The following NLGN1 variants were observed in gnomAD, a reference collection of about 807,000 sequenced individuals.
NLGN1 encodes the protein neuroligin-1.
A neutral mutation model predicts 65.5 loss-of-function variants in NLGN1; 12 were observed. The observed-to-expected ratio is 0.18, with a 90% CI of 0.12 to 0.30. The LOEUF (loss-of-function observed/expected upper bound fraction) is 0.30. Ranked by LOEUF, NLGN1 falls within the 10% of genes least tolerant of loss-of-function variation. The pLI is 1.00. For missense variants in NLGN1, 750 were observed against 1,007.1 expected, an observed-to-expected ratio of 0.74 and a Z score of 3.46; for synonymous variants, 350 against 359.5, an observed-to-expected ratio of 0.97 and a Z score of 0.30.
At chr3:173,727,817 A>G (rs1267557103) in intron 3 of NLGN1, among the ~76,000 whole-genome samples, 4 of 152,136 alleles carry the variant, frequency 2.6e-5, no homozygotes, top group Non-Finnish European at 2.9e-5. Flanking sequence ...TGATGCTGCT[A>G]AGAAGGAATT....
chr3:174,208,664 GAA>G (rs35797766), intron 4 of NLGN1, among the ~76,000 whole-genome samples: 34,014 of 144,054 alleles, frequency 0.24, 4,516 homozygotes, highest in African/African-American at 0.37. Context: ...CCATTATAGG[GAA>G]AAAAAAAAAA....
intron 4 of NLGN1, among the ~76,000 whole-genome samples, chr3:174,024,154 A>AAAC (rs1323552348): frequency 6.6e-6 from 1 of 151,528 alleles, no homozygotes; most frequent in Non-Finnish European, 1.5e-5. Context: ...AAAAAAAAAA[A>AAAC]AAAAAAAAAA....
chr3:173,408,076 T>C (rs1225004699), intron 1 of NLGN1, among the ~76,000 whole-genome samples: 1 of 151,846 alleles, frequency 6.6e-6, no homozygotes, highest in Non-Finnish European at 1.5e-5. Context: ...ATCATTTTTG[T>C]TTTTTTTGAG....
In NLGN1 at chr3:174,238,298, A is replaced by G. The variant is rs962456068; in HGVS notation, c.647-37017A>G. Among the ~76,000 whole-genome samples, 6 of 149,284 alleles carry G rather than the reference A, an allele frequency of 4.0e-5. No homozygotes were observed. The East Asian group carries it at 1.2e-3, about 30-fold the overall frequency. ...TTAAGGTTAAATAGACATTTCTTCA[A>G]TCTCTACTTTCTGTTTTTTCTTTTT... On this transcript the variant is annotated intron_variant, in intron 4 of 6. Coordinates refer to ENST00000457714, the Ensembl canonical transcript of NLGN1.
intron 3 of NLGN1, among the ~76,000 whole-genome samples, chr3:173,616,110 T>C (rs1753030251): frequency 1.1e-4 from 1 of 9,380 alleles, no homozygotes; most frequent in African/African-American, 5.5e-4. Context: ...GGTTTGAGAT[T>C]TTGAAATAGA....
intron 3 of NLGN1, among the ~76,000 whole-genome samples, chr3:173,720,561 G>A (rs536081007): frequency 6.6e-6 from 1 of 152,258 alleles, no homozygotes; most frequent in East Asian, 1.9e-4. Context: ...TTCTGTTTCA[G>A]CTCTAGAAAC....
intron 3 of NLGN1, among the ~76,000 whole-genome samples, chr3:173,682,851 A>G (rs1764141382): frequency 6.6e-6 from 1 of 152,152 alleles, no homozygotes; most frequent in Non-Finnish European, 1.5e-5. Flanking sequence ...ATACTAGCAA[A>G]TCATGGATGT....
chr3:173,996,837 G>A (rs1192800247), intron 4 of NLGN1, among the ~76,000 whole-genome samples: 7 of 152,146 alleles, frequency 4.6e-5, no homozygotes, highest in Admixed American at 4.6e-4. Flanking sequence ...TTTATTTTCT[G>A]GCAGGGGAGG....
chr3:174,080,540 G>T (rs1741943725), intron 4 of NLGN1, among the ~76,000 whole-genome samples: 1 of 152,156 alleles, frequency 6.6e-6, no homozygotes, highest in South Asian at 2.1e-4. Context: ...CCCTTGGGAT[G>T]GGCTGGCACA....
In NLGN1 at chr3:173,581,801, T is replaced by A. The variant is rs116027524; in HGVS notation, c.-320-22478T>A. On this transcript the variant is annotated intron_variant, in intron 2 of 6. Transcript: ENST00000457714. ...GTAAAGATTCACAGGAATAATGTAG[T>A]CTAAATCTTTAATTTTAATAAAATA... 1.4e-3 allele frequency among the ~76,000 whole-genome samples: 216 copies of A among 152,102 alleles called. 1 individual carries two copies. The highest frequency in any genetic ancestry group is 5.1e-3 in the African/African-American group (213 of 41,546).
intron 5 of NLGN1, among the ~76,000 whole-genome samples, chr3:174,278,391 C>T (rs1362285542): frequency 1.3e-5 from 2 of 151,872 alleles, no homozygotes; most frequent in African/African-American, 4.8e-5. Context: ...TTTCAAATAA[C>T]ATCTGTTTAA....
intron 4 of NLGN1, among the ~76,000 whole-genome samples, chr3:173,906,810 A>G (rs902495779): frequency 1.3e-5 from 2 of 149,964 alleles, no homozygotes; most frequent in Non-Finnish European, 3.0e-5. Context: ...GATCGTGCCT[A>G]TGATTAGCTA....
chr3:174,059,777 A>C (rs1018876349), intron 4 of NLGN1, among the ~76,000 whole-genome samples: 2 of 152,170 alleles, frequency 1.3e-5, no homozygotes, highest in African/African-American at 4.8e-5. Context: ...AATTGACAGG[A>C]AGGAACCTAG....
At position 174,280,626 on chromosome 3, in the gene NLGN1, A is replaced by G. The variant is rs1561468056; in HGVS notation, c.1795A>G (p.Arg599Gly). ...AAAACCAAGAGTTAAAGAACATTAC[A>G]GAGCCAATAAGGTGAACCTCTGGTT... The change falls in exon 7 of 7, where the codon AGA becomes GGA. Residue 599 changes from arginine to glycine, a missense_variant. Transcript: ENST00000457714. This position sits in a 1 kb window ranked among gnomAD's most constrained non-coding sequence, Gnocchi z 4.9. The G allele has an allele frequency of 6.2e-7, 1 of 1,613,218 alleles. No individual in the cohort carries two copies. Among genetic ancestry groups the G allele is most frequent in the Non-Finnish European group, 8.5e-7 (1 of 1,179,526 alleles).
At chr3:173,702,745 T>C (rs949241515) in intron 3 of NLGN1, among the ~76,000 whole-genome samples, 4 of 152,210 alleles carry the variant, frequency 2.6e-5, no homozygotes, top group Admixed American at 2.6e-4. Flanking sequence ...TTCACTGCGA[T>C]GCCATCAGTT....
intron 3 of NLGN1, among the ~76,000 whole-genome samples, chr3:173,764,371 T>C (rs1207942084): frequency 1.3e-5 from 2 of 152,280 alleles, no homozygotes; most frequent in East Asian, 3.9e-4. Flanking sequence ...ACTAACGCTA[T>C]GTTCAGAGGG....
At chr3:174,272,484 A>C (rs1749582191) in intron 4 of NLGN1, among the ~76,000 whole-genome samples, 1 of 151,712 alleles carries the variant, frequency 6.6e-6, no homozygotes, top group South Asian at 2.1e-4. Context: ...GTCAGTAATC[A>C]AAAAGTGTAT....
chr3:173,730,039 GA>G (rs763127527), intron 3 of NLGN1, among the ~76,000 whole-genome samples: 4 of 149,390 alleles, frequency 2.7e-5, no homozygotes, highest in African/African-American at 9.8e-5. Flanking sequence ...TCGAAATACA[GA>G]AAAAAAAACT....
chr3:173,524,912 A>AT (rs1254892100), intron 2 of NLGN1, among the ~76,000 whole-genome samples: 193 of 149,934 alleles, frequency 1.3e-3, no homozygotes, highest in African/African-American at 4.6e-3. Context: ...TGTAATAAAA[A>AT]CCCCTGCCCC....
Sources: gnomAD v4.1 joint callset for allele counts (sites outside exome capture counted in the v4.1 genomes callset) on GRCh38, gnomAD v4.1.1 for gene constraint, Gnocchi (gnomAD v3.1) non-coding constraint, MANE v1.5 for transcripts, NCBI Gene and HGNC (gene_info 2026-07-23, HGNC 2026-07-21) for gene names.